SLC6A7: variants seen among roughly 807,000 people sequenced by gnomAD.
SLC6A7 encodes sodium-dependent proline transporter.
Under a neutral mutation model 73.1 loss-of-function variants are expected in SLC6A7, and 58 were observed. The ratio of observed to expected loss-of-function variants is 0.79; its 90% confidence interval spans 0.64 to 0.99. SLC6A7 has a LOEUF of 0.99. SLC6A7 is among the 50% of genes least tolerant of loss of function. The pLI is 0.00. For synonymous variants in SLC6A7, 338 were observed against 338.7 expected, an observed-to-expected ratio of 1.00 and a Z score of 0.02; for missense variants, 783 against 831.4, an observed-to-expected ratio of 0.94 and a Z score of 0.72.
At position 150,209,513 on chromosome 5, in the gene SLC6A7, A is replaced by G; in HGVS notation, c.1809A>G (p.Pro603=). The G allele has an allele frequency of 6.2e-7, 1 of 1,614,182 alleles. No individual in the cohort carries two copies. Among genetic ancestry groups the G allele is most frequent in the African/African-American group, 1.3e-5 (1 of 75,066 alleles). The change falls in exon 14 of 14, where the codon CCA becomes CCG. Residue 603 remains proline (P), a synonymous_variant. Coordinates refer to ENST00000230671, the MANE Select transcript of SLC6A7 (RefSeq NM_014228.5). ...ATLAGSQSPK[P]LMVHMRKYGG... The stretch of plus-strand genomic sequence containing the variant: ...TGGCTGGGAGCCAGTCACCAAAGCC[A>G]CTGATGGTGCACATGCGCAAGTACG...
Position 150,201,240 on chromosome 5 carries a change from G to A in SLC6A7, c.858+17G>A, listed in dbSNP as rs760786750. The A allele has an allele frequency of 2.6e-5, 41 of 1,588,916 alleles. No individual in the cohort carries two copies. The South Asian group carries it at 3.4e-4, about 13-fold the overall frequency. ...TCTTCCAAGGTGAGCCCCTCAGGGC[G>A]GGGTGCAGAGGGAGGGGCCAGGCCT... On this transcript the variant is annotated intron_variant, in intron 6 of 13. Coordinates refer to ENST00000230671, the MANE Select transcript of SLC6A7 (RefSeq NM_014228.5).
At position 150,205,472 on chromosome 5, in the gene SLC6A7, G is replaced by A. The variant is rs1416456002; in HGVS notation, c.1550G>A (p.Ser517Asn). 5 of 1,607,570 alleles carry A rather than the reference G, an allele frequency of 3.1e-6. No homozygotes were observed. The highest frequency in any genetic ancestry group is 1.1e-5 in the South Asian group (1 of 89,740). Reference protein sequence around the residue: ...PATLLALMVYSIVKYQPSEYG... With the variant: ...PATLLALMVYNIVKYQPSEYG... ...ACTCTGCAGGCCCTCATGGTGTATA[G>A]CATCGTCAAGTACCAGCCCTCGGAG... Residue 517 changes from serine to asparagine, a missense_variant, in exon 13 of 14, where the codon AGC becomes AAC. Physicochemically the swap from Ser to Asn is conservative, Grantham distance 46. Transcript: ENST00000230671.
chr5:150,205,018 T>C, intron 12 of SLC6A7, 91 bp downstream of exon 12: 3 of 755,428 alleles, frequency 4.0e-6, no homozygotes, highest in South Asian at 1.7e-5. Context: ...AGGGCCACCC[T>C]GGCCCGCAGT....
intron 1 of SLC6A7, among the ~76,000 whole-genome samples, chr5:150,194,327 G>A (rs1427848508): frequency 6.6e-6 from 1 of 152,044 alleles, no homozygotes; most frequent in Admixed American, 6.6e-5. Context: ...TACTCGGGAG[G>A]CTGAGACGGG....
chr5:150,209,918 T>A lies in SLC6A7; in HGVS notation c.*303T>A. On this transcript the variant is annotated 3_prime_UTR_variant, in exon 14 of 14. Transcript: ENST00000230671. ...GGGGAGGGACTTGCCCCAGGTCGCA[T>A]GGCAGAGGGGACTTGAACCCACGCC... The A allele has an allele frequency of 2.4e-6, 1 of 414,224 alleles. No homozygotes were observed. Among genetic ancestry groups the A allele is most frequent in the East Asian group, 4.7e-5 (1 of 21,188 alleles). 25.7% of individuals were successfully genotyped at this position (414,224 alleles called of 1,614,324 possible). A position where few individuals can be genotyped will look rare whatever the true frequency, so the allele number is the denominator to read the frequency against.
In SLC6A7 at chr5:150,209,395, C is replaced by G; in HGVS notation, c.1702-11C>G. On this transcript the variant is annotated splice_polypyrimidine_tract_variant and intron_variant, in intron 13 of 13. Transcript: ENST00000230671. ...TTTCCTGTTTTCACTGCTCTCGTTG[C>G]TTTGCTGCAGCGGCTCCAACAGGCC... The G allele has an allele frequency of 6.2e-7, 1 of 1,611,972 alleles. No homozygotes were observed. The highest frequency in any genetic ancestry group is 1.3e-5 in the African/African-American group (1 of 75,016).
intron 10 of SLC6A7, 98 bp downstream of exon 10, chr5:150,204,136 C>T: frequency 8.0e-7 from 1 of 1,243,206 alleles, no homozygotes; most frequent in Non-Finnish European, 1.1e-6. Flanking sequence ...GGGCCCCCTC[C>T]ATCTTCCTCT....
In SLC6A7 at chr5:150,209,544, A is replaced by C. The variant is rs1264376558; in HGVS notation, c.1840A>C (p.Ile614Leu). Residue 614 changes from isoleucine (I) to leucine (L), a missense_variant, in exon 14 of 14, where the codon ATC (isoleucine) becomes CTC (leucine). Transcript: ENST00000230671. ...GGTGCACATGCGCAAGTACGGGGGC[A>C]TCACCAGCTTCGAGAACACGGCCAT... ...LMVHMRKYGG[I>L]TSFENTAIEV... 6.2e-7 allele frequency: 1 copy of C among 1,614,192 alleles called. No homozygotes were observed. Among genetic ancestry groups the C allele is most frequent in the East Asian group, 2.2e-5 (1 of 44,874 alleles).
chr5:150,192,900 G>A (rs751893397), intron 1 of SLC6A7, among the ~76,000 whole-genome samples: 11 of 152,140 alleles, frequency 7.2e-5, no homozygotes, highest in Admixed American at 5.2e-4. Context: ...CAGGAACAGT[G>A]GCAACCATTC....
chr5:150,192,607 C>T (rs1290587175), intron 1 of SLC6A7, among the ~76,000 whole-genome samples: 14 of 152,198 alleles, frequency 9.2e-5, no homozygotes, highest in African/African-American at 3.4e-4. Context: ...CAGTTGGGCT[C>T]CTGATTGGCT....
chr5:150,199,079 C>A, intron 4 of SLC6A7, 149 bp from the exon 5 acceptor site: 1 of 1,067,204 alleles, frequency 9.4e-7, no homozygotes, highest in East Asian at 2.8e-5. Context: ...CCTCCTGGGT[C>A]AGAGTTGGTC....
Position 150,201,215 on chromosome 5 carries a change from T to G in SLC6A7, c.850T>G (p.Ser284Ala). 1 of 1,609,760 alleles carries G rather than the reference T, an allele frequency of 6.2e-7. No individual in the cohort carries two copies. Among genetic ancestry groups the G allele is most frequent in the Non-Finnish European group, 8.5e-7 (1 of 1,177,844 alleles). Residue 284 changes from serine (S) to alanine (A), a missense_variant, in exon 6 of 14, where the codon TCT (serine) becomes GCT (alanine). Coordinates refer to ENST00000230671, the MANE Select transcript of SLC6A7 (RefSeq NM_014228.5). Reference sequence around the variant, plus strand: ...CACCCCCCAGTTCCACCACTTGTTGTCTTCCAAGGTGAGCCCCTCAGGGCG... The same window carrying G: ...CACCCCCCAGTTCCACCACTTGTTGGCTTCCAAGGTGAGCCCCTCAGGGCG... The part of the protein sequence containing the change: ...YLTPQFHHLL[S>A]SKVWIEAALQ...
chr5:150,204,108 C>T, intron 10 of SLC6A7, 70 bp downstream of exon 10: 1 of 1,483,758 alleles, frequency 6.7e-7, no homozygotes, highest in Non-Finnish European at 9.2e-7. Context: ...AGATCTCTGG[C>T]CCAGCTGAGC....
Position 150,203,820 on chromosome 5 carries a change from G to GGTGTGTGGT in SLC6A7, c.1200+48_1200+49insGTGTGTGTG, listed in dbSNP as rs1554116762. 31 of 802,518 alleles carry GGTGTGTGGT rather than the reference G, an allele frequency of 3.9e-5. No homozygotes were observed. The Admixed American group carries it at 4.9e-4, about 13-fold the overall frequency. The allele number at this position is 802,518 out of a possible 1,614,324, so 49.7% of individuals were successfully genotyped here. On this transcript the variant is annotated intron_variant, in intron 9 of 13. Transcript: ENST00000230671. Reference sequence around the variant, plus strand: ...GGCAGCAGGCACCCCGTGTGTGTGTGGTGTGTGTGTGTGTGTGTGTGTGTG... The same window carrying GGTGTGTGGT: ...GGCAGCAGGCACCCCGTGTGTGTGTGGTGTGTGGTGTGTGTGTGTGTGTGTGTGTGTGTG...
chr5:150,204,680 TG>T, intron 11 of SLC6A7, 49 bp downstream of exon 11: 1 of 1,461,982 alleles, frequency 6.8e-7, no homozygotes, highest in South Asian at 1.1e-5. Flanking sequence ...AGTGGGAGAA[TG>T]GGAGTCTACC....
chr5:150,209,545 T>A lies in SLC6A7; in HGVS notation c.1841T>A (p.Ile614Asn). 4 of 1,614,078 alleles carry A rather than the reference T, an allele frequency of 2.5e-6. No individual in the cohort carries two copies. The highest frequency in any genetic ancestry group is 3.4e-6 in the Non-Finnish European group (4 of 1,179,980). The change falls in exon 14 of 14, where the codon ATC becomes AAC. Residue 614 changes from isoleucine to asparagine, a missense_variant. Physicochemically the swap from Ile to Asn is moderately radical, Grantham distance 149 (BLOSUM62 -3). Coordinates refer to ENST00000230671, the MANE Select transcript of SLC6A7 (RefSeq NM_014228.5). Reference sequence around the variant, plus strand: ...GTGCACATGCGCAAGTACGGGGGCATCACCAGCTTCGAGAACACGGCCATC... The same window carrying A: ...GTGCACATGCGCAAGTACGGGGGCAACACCAGCTTCGAGAACACGGCCATC... ...LMVHMRKYGG[I>N]TSFENTAIEV...
At chr5:150,193,938 C>T (rs933220170) in intron 1 of SLC6A7, among the ~76,000 whole-genome samples, 1 of 152,182 alleles carries the variant, frequency 6.6e-6, no homozygotes, top group African/African-American at 2.4e-5. Context: ...GTCATGACAC[C>T]TCTTTGAGCC....
At chr5:150,205,379 C>A in intron 12 of SLC6A7, 77 bp from the exon 13 acceptor site, 5 of 1,255,942 alleles carry the variant, frequency 4.0e-6, no homozygotes, top group Non-Finnish European at 5.5e-6. Flanking sequence ...CTTGGGCTGG[C>A]ACTAGGCTGG....
intron 13 of SLC6A7, among the ~76,000 whole-genome samples, chr5:150,207,826 G>A (rs1402927565): frequency 1.3e-5 from 2 of 152,182 alleles, no homozygotes; most frequent in Non-Finnish European, 2.9e-5. Flanking sequence ...TTAGCACAGA[G>A]CTGGAGTGCA....
Sources: allele counts gnomAD v4.1 joint callset (sites outside exome capture counted in the v4.1 genomes callset), GRCh38; gene constraint gnomAD v4.1.1; transcripts MANE v1.5; gene names NCBI Gene and HGNC (gene_info 2026-07-23, HGNC 2026-07-21).